DCC: variants seen among roughly 807,000 people sequenced by gnomAD.
DCC encodes the protein netrin receptor DCC.
In DCC, 58 loss-of-function variants were observed where a neutral mutation model predicts 172.5. The observed-to-expected ratio is 0.34, with a 90% CI of 0.27 to 0.42. The LOEUF is 0.42. Among genes scored for constraint, DCC ranks in the 10% least tolerant of loss-of-function variants. DCC has a pLI of 1.00. For missense variants in DCC, 1,740 were observed against 1,791.0 expected (o/e 0.97, Z 0.51); for synonymous variants, 709 against 644.5 (o/e 1.10, Z -1.52).
At chr18:52,938,603 G>T (rs971945693) in intron 5 of DCC, among the ~76,000 whole-genome samples, 3 of 151,956 alleles carry the variant, frequency 2.0e-5, no homozygotes, top group African/African-American at 7.3e-5. Context: ...AAATAACCCA[G>T]AAAATAAGCA....
Position 52,606,944 on chromosome 18 carries a change from T to G in DCC, c.92-145110T>G, listed in dbSNP as rs559284075. 3.3e-5 allele frequency among the ~76,000 whole-genome samples: 5 copies of G among 152,296 alleles called. No homozygotes were observed. In the East Asian group the frequency reaches 9.6e-4, roughly 29 times the overall value. ...CTTTTTCAATTCCTTTTGAAACTTC[T>G]GGAAATTGGGATAGTGAAGAAGGGA... is the stretch of plus-strand genomic sequence containing the variant. On this transcript the variant is annotated intron_variant, in intron 1 of 28. Transcript: ENST00000442544.
intron 1 of DCC, among the ~76,000 whole-genome samples, chr18:52,644,480 G>A (rs746064270): frequency 2.6e-5 from 4 of 151,706 alleles, no homozygotes; most frequent in Non-Finnish European, 5.9e-5. Context: ...TAGGGAGGCT[G>A]AGGCAGGAGA....
intron 7 of DCC, among the ~76,000 whole-genome samples, chr18:53,138,373 T>C (rs943038392): frequency 2.0e-5 from 3 of 152,202 alleles, no homozygotes; most frequent in Non-Finnish European, 4.4e-5. Context: ...TTTTAATAAT[T>C]AGCTATTCAA....
At chr18:52,669,406 G>A (rs2035512615) in intron 1 of DCC, among the ~76,000 whole-genome samples, 1 of 152,178 alleles carries the variant, frequency 6.6e-6, no homozygotes, top group African/African-American at 2.4e-5. Flanking sequence ...GCAAGAAGGA[G>A]ATTTGTTTTG....
chr18:53,095,072 C>G (rs1466631380), intron 7 of DCC, among the ~76,000 whole-genome samples: 2 of 152,152 alleles, frequency 1.3e-5, no homozygotes, highest in Non-Finnish European at 2.9e-5. Context: ...GTCAACAAAG[C>G]CTATTTATCT....
chr18:53,158,852 G>A (rs2054789159), intron 8 of DCC, among the ~76,000 whole-genome samples: 1 of 151,730 alleles, frequency 6.6e-6, no homozygotes, highest in East Asian at 1.9e-4. Context: ...AATTAGCTGG[G>A]CATGGTGGCG....
chr18:53,365,596 A>C (rs1378872101), intron 15 of DCC, among the ~76,000 whole-genome samples: 1 of 152,166 alleles, frequency 6.6e-6, no homozygotes, highest in African/African-American at 2.4e-5. Flanking sequence ...TGTTGGGTAA[A>C]GGAAGAGACG....
At chr18:53,210,121 A>G (rs181521893) in intron 11 of DCC, among the ~76,000 whole-genome samples, 7 of 152,184 alleles carry the variant, frequency 4.6e-5, no homozygotes, top group African/African-American at 1.7e-4. Context: ...CAATCAACCC[A>G]TCTCTTTTAA....
intron 1 of DCC, among the ~76,000 whole-genome samples, chr18:52,743,850 G>T (rs1255172889): frequency 6.6e-6 from 1 of 152,116 alleles, no homozygotes; most frequent in East Asian, 1.9e-4. Flanking sequence ...GAAGAATCAG[G>T]GTATCAAGAG....
intron 1 of DCC, among the ~76,000 whole-genome samples, chr18:52,460,087 C>G (rs1988585102): frequency 6.6e-6 from 1 of 151,968 alleles, no homozygotes; most frequent in African/African-American, 2.4e-5. Flanking sequence ...GAGATATTTT[C>G]CCATGGTAAT....
intron 7 of DCC, among the ~76,000 whole-genome samples, chr18:53,155,161 C>T (rs928538642): frequency 2.6e-5 from 4 of 151,408 alleles, no homozygotes; most frequent in Non-Finnish European, 5.9e-5. Flanking sequence ...AATTGTATAT[C>T]GATAATGTTT....
intron 25 of DCC, among the ~76,000 whole-genome samples, chr18:53,485,376 T>A (rs1341647083): frequency 6.6e-6 from 1 of 152,072 alleles, no homozygotes; most frequent in East Asian, 1.9e-4. Flanking sequence ...ACCCAACAAT[T>A]TTTTACTGAA....
chr18:53,387,578 A>G (rs1420020036), intron 16 of DCC, among the ~76,000 whole-genome samples: 1 of 152,226 alleles, frequency 6.6e-6, no homozygotes, highest in East Asian at 1.9e-4. Flanking sequence ...GAAAGATGAG[A>G]AAACTTGAGG....
At chr18:53,194,081 C>T (rs2144519330) in intron 9 of DCC, among the ~76,000 whole-genome samples, 1 of 152,226 alleles carries the variant, frequency 6.6e-6, no homozygotes, top group South Asian at 2.1e-4. Context: ...CACATTATCA[C>T]CATGGGAAAC....
chr18:53,529,564 A>G (rs2046502856), intron 28 of DCC, among the ~76,000 whole-genome samples: 1 of 152,176 alleles, frequency 6.6e-6, no homozygotes, highest in Non-Finnish European at 1.5e-5. Flanking sequence ...GAATCCTCCT[A>G]ACTCCTCAAA....
chr18:53,165,581 T>C (rs1175093185), intron 8 of DCC, among the ~76,000 whole-genome samples: 1 of 152,186 alleles, frequency 6.6e-6, no homozygotes, highest in African/African-American at 2.4e-5. Flanking sequence ...TGCTTCTCTG[T>C]AAAATATAAA....
intron 5 of DCC, among the ~76,000 whole-genome samples, chr18:52,959,037 G>A (rs139152153): frequency 9.2e-5 from 14 of 152,014 alleles, no homozygotes; most frequent in African/African-American, 2.9e-4. Context: ...TTGTGTGGCC[G>A]AAGACAGTTC....
intron 2 of DCC, among the ~76,000 whole-genome samples, chr18:52,842,305 T>C (rs1431754): frequency 0.027 from 4,070 of 152,238 alleles, 163 homozygotes; most frequent in African/African-American, 0.09. Flanking sequence ...CACTTGATTA[T>C]GGAGGCTGAG....
chr18:52,340,667 AG>A lies in DCC; in HGVS notation c.-119del, dbSNP rs956153222. The A allele has an allele frequency of 3.8e-5, 30 of 789,062 alleles. No individual in the cohort carries two copies. Among genetic ancestry groups the A allele is most frequent in the Non-Finnish European group, 3.7e-5 (16 of 432,334 alleles). 48.9% of individuals were successfully genotyped at this position (789,062 alleles called of 1,614,324 possible). A position where few individuals can be genotyped will look rare whatever the true frequency, so the allele number is the denominator to read the frequency against. On this transcript the variant is annotated 5_prime_UTR_variant, in exon 1 of 29. Coordinates refer to ENST00000442544, the MANE Select transcript of DCC (RefSeq NM_005215.4). ...AAAGAGGTGGAGGAAGAGGACGAGG[AG>A]GAGGAGGAAGCCGAAGGGGCTCGGC...
Sources: allele counts gnomAD v4.1 joint callset (sites outside exome capture counted in the v4.1 genomes callset), GRCh38; gene constraint gnomAD v4.1.1; transcripts MANE v1.5; gene names NCBI Gene and HGNC (gene_info 2026-07-23, HGNC 2026-07-21).